The following ETV6 variants were observed in gnomAD, a reference collection of about 807,000 sequenced individuals.
ETV6 encodes ETS variant transcription factor 6, also known as transcription factor ETV6.
ETV6 carries 16 observed loss-of-function variants against 51.1 expected under a neutral mutation model. That is an observed-to-expected ratio of 0.31 (90% CI 0.21 to 0.48). The LOEUF is 0.48. ETV6 is among the 20% of genes least tolerant of loss of function. The pLI is 0.99. For synonymous variants in ETV6, 240 were observed against 224.1 expected (o/e 1.07, Z -0.64); for missense variants, 458 against 594.8 (o/e 0.77, Z 2.39).
chr12:11,852,725 T>C (rs1475151094), intron 3 of ETV6, among the ~76,000 whole-genome samples: 1 of 152,180 alleles, frequency 6.6e-6, no homozygotes, highest in East Asian at 1.9e-4. Flanking sequence ...AGTTCAGTAA[T>C]GTGGGAAAAT....
At chr12:11,710,162 GC>G (rs1565494550) in intron 1 of ETV6, among the ~76,000 whole-genome samples, 1 of 152,148 alleles carries the variant, frequency 6.6e-6, no homozygotes, top group East Asian at 1.9e-4. Context: ...AGCAAGGCCA[GC>G]TTTTTTTGGA....
chr12:11,699,168 C>G (rs78117333), intron 1 of ETV6, among the ~76,000 whole-genome samples: 2,413 of 152,114 alleles, frequency 0.016, 51 homozygotes, highest in East Asian at 0.11. Flanking sequence ...AACATTCTTT[C>G]TTTTCTGCTT....
chr12:11,743,978 G>A (rs777459162), intron 1 of ETV6, among the ~76,000 whole-genome samples: 13 of 152,164 alleles, frequency 8.5e-5, no homozygotes, highest in Non-Finnish European at 1.8e-4. Flanking sequence ...TAAGGCTCAG[G>A]TTCCAAGCCC....
chr12:11,798,443 C>T (rs1275361870), intron 2 of ETV6, among the ~76,000 whole-genome samples: 1 of 152,064 alleles, frequency 6.6e-6, no homozygotes, highest in Admixed American at 6.6e-5. Context: ...CTCTTAGAGC[C>T]CCTGAAAGTG....
At chr12:11,786,062 A>T (rs535494114) in intron 2 of ETV6, among the ~76,000 whole-genome samples, 5 of 152,336 alleles carry the variant, frequency 3.3e-5, no homozygotes, top group African/African-American at 1.2e-4. Context: ...TTGGAGGTAT[A>T]AGATGGAATC....
intron 4 of ETV6, among the ~76,000 whole-genome samples, chr12:11,863,516 C>T (rs955678420): frequency 2.0e-5 from 3 of 152,194 alleles, no homozygotes; most frequent in Non-Finnish European, 4.4e-5. Context: ...GGCTTTCCCT[C>T]CCTCTTCCTT....
chr12:11,665,057 G>T (rs983314388), intron 1 of ETV6, among the ~76,000 whole-genome samples: 2 of 152,146 alleles, frequency 1.3e-5, no homozygotes, highest in African/African-American at 4.8e-5. Flanking sequence ...TCGCTCTGTG[G>T]CCAAGGCTAG....
intron 1 of ETV6, among the ~76,000 whole-genome samples, chr12:11,668,739 TC>T (rs1157642446): frequency 6.6e-6 from 1 of 152,188 alleles, no homozygotes; most frequent in Non-Finnish European, 1.5e-5. Context: ...GAAGAAATTT[TC>T]CCCCTGTGGC....
intron 4 of ETV6, among the ~76,000 whole-genome samples, chr12:11,860,833 C>T (rs1946705723): frequency 6.6e-6 from 1 of 152,132 alleles, no homozygotes; most frequent in Admixed American, 6.5e-5. Context: ...TTTTCTTAAC[C>T]ATTCTCAATA....
chr12:11,715,258 T>G (rs558976853), intron 1 of ETV6, among the ~76,000 whole-genome samples: 115 of 152,316 alleles, frequency 7.6e-4, no homozygotes, highest in African/African-American at 2.6e-3. Flanking sequence ...CGTCTTTTCT[T>G]AGAGCCTTGA....
At chr12:11,789,136 G>C (rs1945538190) in intron 2 of ETV6, among the ~76,000 whole-genome samples, 2 of 152,182 alleles carry the variant, frequency 1.3e-5, no homozygotes, top group African/African-American at 4.8e-5. Context: ...AGGTTCAAGC[G>C]ATTGTCCTGC....
intron 2 of ETV6, among the ~76,000 whole-genome samples, chr12:11,780,014 C>T (rs763721620): frequency 6.6e-6 from 1 of 152,206 alleles, no homozygotes; most frequent in African/African-American, 2.4e-5. Context: ...CACACACGCT[C>T]TACCTTTAGC....
intron 4 of ETV6, among the ~76,000 whole-genome samples, chr12:11,867,594 C>T (rs1224593367): frequency 2.0e-5 from 3 of 152,018 alleles, no homozygotes; most frequent in Non-Finnish European, 2.9e-5. Context: ...GAAAAAAGTC[C>T]GCATTTTCTT....
chr12:11,777,688 A>T (rs1425302203), intron 2 of ETV6, among the ~76,000 whole-genome samples: 2 of 151,826 alleles, frequency 1.3e-5, no homozygotes, highest in Non-Finnish European at 2.9e-5. Context: ...TGCTGATCAC[A>T]TTCTCTCGCC....
intron 4 of ETV6, among the ~76,000 whole-genome samples, chr12:11,868,438 CTTTTTTTT>C (rs71057775): frequency 2.3e-5 from 3 of 127,976 alleles, no homozygotes. Context: ...CTTTTTTCTT[CTTTTTTTT>C]TTTTTTTTTG....
chr12:11,674,461 CG>C (rs1194909115), intron 1 of ETV6, among the ~76,000 whole-genome samples: 1 of 151,796 alleles, frequency 6.6e-6, no homozygotes, highest in Non-Finnish European at 1.5e-5. Flanking sequence ...TCCCTGCCCT[CG>C]AGATTTAATA....
At chr12:11,809,308 C>T (rs1187007884) in intron 2 of ETV6, among the ~76,000 whole-genome samples, 1 of 151,646 alleles carries the variant, frequency 6.6e-6, no homozygotes, top group Non-Finnish European at 1.5e-5. Flanking sequence ...ATAGGAAAAA[C>T]AAGAGAACTG....
At chr12:11,831,773 T>C (rs957727641) in intron 2 of ETV6, among the ~76,000 whole-genome samples, 1 of 152,254 alleles carries the variant, frequency 6.6e-6, no homozygotes, top group Non-Finnish European at 1.5e-5. Context: ...ATCATAGATA[T>C]TGTCAGTAAC....
In ETV6 at chr12:11,687,944, G is replaced by C. The variant is rs113297194; in HGVS notation, c.33+37784G>C. ...GAGTGCTTCCCGTGTGCTAAGTACT[G>C]ATCAAGTCTCTTACAGGTATTCGCT... is the stretch of plus-strand genomic sequence containing the variant. On this transcript the variant is annotated intron_variant, in intron 1 of 7. Transcript: ENST00000396373. 4.4e-3 allele frequency among the ~76,000 whole-genome samples: 664 copies of C among 152,320 alleles called. 3 individuals carry two copies. Among genetic ancestry groups the C allele is most frequent in the Non-Finnish European group, 7.0e-3 (479 of 68,014 alleles).
Sources: gnomAD v4.1 joint callset for allele counts (sites outside exome capture counted in the v4.1 genomes callset) on GRCh38, gnomAD v4.1.1 for gene constraint, MANE v1.5 for transcripts, NCBI Gene and HGNC (gene_info 2026-07-23, HGNC 2026-07-21) for gene names.